The following EDRF1 variants were observed in gnomAD, a reference collection of about 807,000 sequenced individuals.
EDRF1 encodes erythroid differentiation regulatory factor 1.
EDRF1 carries 69 observed loss-of-function variants against 148.7 expected under a neutral mutation model. The ratio of observed to expected loss-of-function variants is 0.46; its 90% CI spans 0.38 to 0.57. The LOEUF (loss-of-function observed/expected upper bound fraction) is 0.57, where lower values mean the gene tolerates loss of function less well. EDRF1 is among the 20% of genes least tolerant of loss of function. The probability of loss-of-function intolerance (pLI) is 0.00; values close to 1 mark genes in which losing one functional copy is unlikely to be tolerated. For missense variants in EDRF1, 1,118 were observed against 1,478.7 expected (o/e 0.76, Z 4.00); for synonymous variants, 515 against 532.8 (o/e 0.97, Z 0.46).
chr10:125,728,895 G>A (rs1052943136), intron 6 of EDRF1, 108 bp from the exon 7 acceptor site: 2 of 857,678 alleles, frequency 2.3e-6, no homozygotes, highest in East Asian at 2.7e-5. Flanking sequence ...ATTCACAATG[G>A]TAGATTTGAA....
At chr10:125,723,764 A>G (rs1192097091) in intron 3 of EDRF1, 47 bp from the exon 4 acceptor site, 1 of 1,558,976 alleles carries the variant, frequency 6.4e-7, no homozygotes, top group Non-Finnish European at 8.8e-7. Flanking sequence ...ATTCCAAATC[A>G]CACTAAAACA....
chr10:125,757,292 A>G (rs891443419), intron 24 of EDRF1, among the ~76,000 whole-genome samples: 1 of 152,194 alleles, frequency 6.6e-6, no homozygotes, highest in African/African-American at 2.4e-5. Flanking sequence ...TTTGCAGTAT[A>G]CATCGTTAAT....
At position 125,728,987 on chromosome 10, in the gene EDRF1, C is replaced by T. The variant is rs1414589067; in HGVS notation, c.793-16C>T. On this transcript the variant is annotated splice_polypyrimidine_tract_variant and intron_variant, in intron 6 of 24. Coordinates refer to ENST00000356792, the MANE Select transcript of EDRF1 (RefSeq NM_001202438.2). ...GTTGACAGCAGAATCACTCCTTATC[C>T]TTGCACTTTTCACAGGGAAGTGAGC... 6.4e-7 allele frequency: 1 copy of T among 1,557,650 alleles called. No homozygotes were observed. The highest frequency in any genetic ancestry group is 8.6e-7 in the Non-Finnish European group (1 of 1,157,490).
intron 13 of EDRF1, 103 bp from the exon 14 acceptor site, chr10:125,737,815 A>G: frequency 8.7e-7 from 1 of 1,150,804 alleles, no homozygotes; most frequent in Non-Finnish European, 1.3e-6. Context: ...TTTAAGCAAG[A>G]TTTTTGTTGA....
At chr10:125,733,197 A>G (rs1055002168) in intron 9 of EDRF1, among the ~76,000 whole-genome samples, 8 of 152,274 alleles carry the variant, frequency 5.3e-5, no homozygotes, top group East Asian at 1.9e-4. Flanking sequence ...AATTACTCCA[A>G]TAGTGAACTG....
In EDRF1 at chr10:125,730,225, T is replaced by G. The variant is rs764705333; in HGVS notation, c.1017-63T>G. ...AGATACTTAAATGGTGAAATAACTTTCAGATGATTAATTAAGGAACATCTT... is the reference window on the plus strand; with the variant it reads ...AGATACTTAAATGGTGAAATAACTTGCAGATGATTAATTAAGGAACATCTT... On this transcript the variant is annotated intron_variant, in intron 8 of 24. Transcript: ENST00000356792. The G allele has an allele frequency of 4.7e-6, 6 of 1,276,392 alleles. No homozygotes were observed. The Admixed American group carries it at 1.0e-4, about 22-fold the overall frequency. 79.1% of individuals were successfully genotyped at this position (1,276,392 alleles called of 1,614,324 possible).
rs774485372 is a variant in EDRF1, at chr10:125,721,336, T to C, written c.241T>C (p.Leu81=). Residue 81 remains leucine, a synonymous_variant, in exon 2 of 25, where the codon TTA becomes CTA. Coordinates refer to ENST00000356792, the MANE Select transcript of EDRF1 (RefSeq NM_001202438.2). The part of the protein sequence containing the change: ...TDLKLPPANW[L]RESAKLGPAG... ...CTTGAAACTCCCACCTGCCAACTGG[T>C]TACGAGAGAGTGCCAAACTAGGGCC... is the stretch of plus-strand genomic sequence containing the variant. The C allele has an allele frequency of 6.2e-7, 1 of 1,614,208 alleles. No individual in the cohort carries two copies. Among genetic ancestry groups the C allele is most frequent in the Non-Finnish European group, 8.5e-7 (1 of 1,180,032 alleles).
intron 22 of EDRF1, 52 bp from the exon 23 acceptor site, chr10:125,752,747 G>A: frequency 1.7e-6 from 2 of 1,189,084 alleles, no homozygotes; most frequent in East Asian, 2.4e-5. Flanking sequence ...AACATTAGAT[G>A]GGTTTCTAGA....
At position 125,752,874 on chromosome 10, in the gene EDRF1, T is replaced by G; in HGVS notation, c.3353T>G (p.Phe1118Cys). 6.2e-7 allele frequency: 1 copy of G among 1,614,032 alleles called. No homozygotes were observed. Among genetic ancestry groups the G allele is most frequent in the Non-Finnish European group, 8.5e-7 (1 of 1,179,976 alleles). ...LDIMVRTEHA[F>C]QLIQKELIEE... ...ATAATGGTGAGAACTGAGCACGCATTCCAGCTTATCCAGAAGGAGCTTATA... is the reference window on the plus strand; with the variant it reads ...ATAATGGTGAGAACTGAGCACGCATGCCAGCTTATCCAGAAGGAGCTTATA... The change falls in exon 23 of 25, where the codon TTC becomes TGC. Residue 1118 changes from phenylalanine (F) to cysteine (C), a missense_variant. Phe to Cys is a radical substitution (Grantham distance 205). Coordinates refer to ENST00000356792, the MANE Select transcript of EDRF1 (RefSeq NM_001202438.2).
At position 125,747,980 on chromosome 10, in the gene EDRF1, G is replaced by T. The variant is rs1280595836; in HGVS notation, c.3091G>T (p.Ala1031Ser). The change falls in exon 21 of 25, where the codon GCC (alanine) becomes TCC (serine). Residue 1031 changes from alanine to serine, a missense_variant. Physicochemically the swap from Ala to Ser is moderately conservative, Grantham distance 99 (BLOSUM62 1). This residue lies in a region of EDRF1 where 954 missense variants were observed against 1,241.4 expected (regional missense o/e 0.77). Transcript: ENST00000356792. ...YRAATIHHRL[A>S]SMYHSCLRNQ... is the part of the protein sequence containing the mutation. ...AGCTGCAACCATCCATCACAGGCTGGCCTCCATGTACCACAGCTGTCTGAG... is the reference window on the plus strand; with the variant it reads ...AGCTGCAACCATCCATCACAGGCTGTCCTCCATGTACCACAGCTGTCTGAG... The T allele has an allele frequency of 2.5e-6, 4 of 1,614,170 alleles. No individual in the cohort carries two copies. Among genetic ancestry groups the T allele is most frequent in the Non-Finnish European group, 3.4e-6 (4 of 1,180,024 alleles).
intron 17 of EDRF1, chr10:125,741,403 C>T (rs529054490): frequency 9.8e-5 from 59 of 601,882 alleles, no homozygotes; most frequent in African/African-American, 6.9e-4. Context: ...CTGAAACCTC[C>T]GCCTCCCGGG....
chr10:125,727,877 T>A (rs1848328593), intron 6 of EDRF1, among the ~76,000 whole-genome samples: 1 of 152,080 alleles, frequency 6.6e-6, no homozygotes, highest in Admixed American at 6.5e-5. Flanking sequence ...GTTTACCCAG[T>A]GTCAAGAGGG....
Position 125,753,785 on chromosome 10 carries a change from G to A in EDRF1, c.3485G>A (p.Arg1162Gln), listed in dbSNP as rs778487435. Residue 1162 changes from arginine (R) to glutamine (Q), a missense_variant, in exon 24 of 25, where the codon CGG becomes CAG. Arg to Gln is a conservative substitution (Grantham distance 43, BLOSUM62 1). This residue lies in a region of EDRF1 where 954 missense variants were observed against 1,241.4 expected (regional missense o/e 0.77). Coordinates refer to ENST00000356792, the MANE Select transcript of EDRF1 (RefSeq NM_001202438.2). ...VMKLLSIFES[R>Q]LSFLLLQSIK... Reference sequence around the variant, plus strand: ...AAACTCCTCAGTATATTTGAGTCTCGGTTGTCATTTCTTCTCCTTCAGTCC... The same window carrying A: ...AAACTCCTCAGTATATTTGAGTCTCAGTTGTCATTTCTTCTCCTTCAGTCC... 9 of 1,613,670 alleles carry A rather than the reference G, an allele frequency of 5.6e-6. No homozygotes were observed. The highest frequency in any genetic ancestry group is 1.7e-5 in the Admixed American group (1 of 59,962).
chr10:125,743,706 T>C (rs532728196), intron 18 of EDRF1, among the ~76,000 whole-genome samples: 1 of 152,222 alleles, frequency 6.6e-6, no homozygotes, highest in South Asian at 2.1e-4. Flanking sequence ...TAGAAGGCTT[T>C]TGGGAAAGTG....
chr10:125,761,592 T>C (rs952609142), intron 24 of EDRF1, among the ~76,000 whole-genome samples: 1 of 152,340 alleles, frequency 6.6e-6, no homozygotes, highest in East Asian at 1.9e-4. Flanking sequence ...TGTAAGTTAG[T>C]TCCCTTTAGA....
rs1848247480 is a variant in EDRF1 at position 125,726,093 on chromosome 10, A to C, written c.792+255A>C. On this transcript the variant is annotated intron_variant, in intron 6 of 24. Transcript: ENST00000356792. ...AATCGAAATATAATAGTTGACTGAT[A>C]TGTTTATTAATACTGATTATCTCCT... Among the ~76,000 whole-genome samples, 3 of 152,140 alleles carry C rather than the reference A, an allele frequency of 2.0e-5. No homozygotes were observed. In the South Asian group the frequency reaches 6.2e-4, roughly 31 times the overall value.
intron 1 of EDRF1, among the ~76,000 whole-genome samples, chr10:125,720,810 C>CA (rs34319808): frequency 6.1e-4 from 81 of 131,834 alleles, no homozygotes; most frequent in Non-Finnish European, 8.9e-4. Context: ...GACTGCGTCT[C>CA]AAAAAAAAAA....
rs375977615 is a variant in EDRF1, at chr10:125,733,281, A to T, written c.1129-123A>T. On this transcript the variant is annotated intron_variant, in intron 9 of 24. Coordinates refer to ENST00000356792, the MANE Select transcript of EDRF1 (RefSeq NM_001202438.2). The stretch of plus-strand genomic sequence containing the variant: ...AAAAGATTAAAAACCACTGGTTTAA[A>T]CACTTTCATGCTACATAGGTCTCTG... 226 of 740,152 alleles carry T rather than the reference A, an allele frequency of 3.1e-4. 3 individuals are homozygous for T. The South Asian group carries it at 3.8e-3, about 12-fold the overall frequency. 45.8% of individuals were successfully genotyped at this position (740,152 alleles called of 1,614,324 possible).
Position 125,733,927 on chromosome 10 carries a change from T to C in EDRF1, c.1386-145T>C. 6.8e-6 allele frequency: 6 copies of C among 876,060 alleles called. No individual in the cohort carries two copies. In the Middle Eastern group the frequency reaches 1.0e-3, roughly 151 times the overall value. 54.3% of individuals were successfully genotyped at this position (876,060 alleles called of 1,614,324 possible). A position where few individuals can be genotyped will look rare whatever the true frequency, so the allele number is the denominator to read the frequency against. ...CTTATGCCACCATAGTATAAACGTTTTGGGGGTTGTGGGTAAAGTGTAAAG... is the reference window on the plus strand; with the variant it reads ...CTTATGCCACCATAGTATAAACGTTCTGGGGGTTGTGGGTAAAGTGTAAAG... On this transcript the variant is annotated intron_variant, in intron 11 of 24. Transcript: ENST00000356792.
Sources: gnomAD v4.1 joint callset for allele counts (sites outside exome capture counted in the v4.1 genomes callset) on GRCh38, gnomAD v4.1.1 for gene constraint, gnomAD v4.1.1 regional missense constraint, MANE v1.5 for transcripts, NCBI Gene and HGNC (gene_info 2026-07-23, HGNC 2026-07-21) for gene names.